NOL10: variants seen among roughly 807,000 people sequenced by gnomAD.
The protein encoded by NOL10 is H_NH0074G24.1.
In NOL10, 58 loss-of-function variants were observed where a neutral mutation model predicts 103.5. That is an observed-to-expected ratio of 0.56 (90% confidence interval 0.45 to 0.70). The LOEUF is 0.70. Ranked by LOEUF, NOL10 falls within the 30% of genes least tolerant of loss-of-function variation. NOL10 has a pLI of 0.00. For missense variants in NOL10, 763 were observed against 807.3 expected (o/e 0.95, Z 0.67); for synonymous variants, 287 against 282.5 (o/e 1.02, Z -0.16).
At chr2:10,655,186 C>T (rs772444530) in intron 11 of NOL10, among the ~76,000 whole-genome samples, 3 of 136,166 alleles carry the variant, frequency 2.2e-5, no homozygotes, top group Non-Finnish European at 3.0e-5. Flanking sequence ...CAGCCTGGGG[C>T]GACAGAGTGA....
At chr2:10,612,251 T>C (rs10203664) in intron 13 of NOL10, among the ~76,000 whole-genome samples, 90,054 of 152,110 alleles carry the variant, frequency 0.59, 27,667 homozygotes, top group African/African-American at 0.74. Flanking sequence ...GAAAAAAAGA[T>C]TGAAGATTAC....
Position 10,666,032 on chromosome 2 carries a change from C to T in NOL10, c.591+1186G>A, listed in dbSNP as rs148512185. 4.4e-4 allele frequency among the ~76,000 whole-genome samples: 67 copies of T among 152,144 alleles called. 2 individuals are homozygous for T. The East Asian group carries it at 0.012, about 28-fold the overall frequency. On this transcript the variant is annotated intron_variant, in intron 8 of 20. Coordinates refer to ENST00000381685, the MANE Select transcript of NOL10 (RefSeq NM_024894.4). ...AACAGTTAGTTTTCAACCCTTGCCT[C>T]CCTCCCTCCCTTCCCCATCCAGTAA... is the stretch of plus-strand genomic sequence containing the variant.
At chr2:10,613,628 T>C (rs1376796523) in intron 13 of NOL10, among the ~76,000 whole-genome samples, 6 of 152,332 alleles carry the variant, frequency 3.9e-5, no homozygotes, top group East Asian at 3.9e-4. Context: ...GTTAAAAGAA[T>C]TGTCATTTTT....
chr2:10,620,364 T>C (rs1388323002), intron 13 of NOL10, among the ~76,000 whole-genome samples: 1 of 152,224 alleles, frequency 6.6e-6, no homozygotes, highest in East Asian at 1.9e-4. Flanking sequence ...AAAAATTATA[T>C]GTACACTTTT....
intron 17 of NOL10, among the ~76,000 whole-genome samples, chr2:10,590,552 C>T (rs1675340323): frequency 1.1e-5 from 1 of 95,192 alleles, no homozygotes. Context: ...TTACCGATTC[C>T]AGCTGAGTTA....
At chr2:10,672,226 C>T (rs1680998056) in intron 5 of NOL10, among the ~76,000 whole-genome samples, 1 of 152,084 alleles carries the variant, frequency 6.6e-6, no homozygotes, top group African/African-American at 2.4e-5. Flanking sequence ...ACTCAGGAGG[C>T]TGAGGCAGGA....
chr2:10,630,570 G>A (rs1677769613), intron 13 of NOL10, among the ~76,000 whole-genome samples: 1 of 151,994 alleles, frequency 6.6e-6, no homozygotes, highest in Non-Finnish European at 1.5e-5. Flanking sequence ...AAATTAGTCG[G>A]GCATGGTGGT....
At position 10,665,054 on chromosome 2, in the gene NOL10, A is replaced by T. The variant is rs532234407; in HGVS notation, c.592-2010T>A. ...GATTGTTTAATATATTAACTACCTT[A>T]AAAGCAAACCCTTCAATATACTTAG... On this transcript the variant is annotated intron_variant, in intron 8 of 20. Transcript: ENST00000381685. Among the ~76,000 whole-genome samples, 11 of 152,376 alleles carry T rather than the reference A, an allele frequency of 7.2e-5. No homozygotes were observed. The South Asian group carries it at 2.3e-3, about 32-fold the overall frequency.
rs1420364315 is a variant in NOL10 at position 10,583,169 on chromosome 2, T to G, written c.1845-5431A>C. Among the ~76,000 whole-genome samples the G allele has an allele frequency of 2.6e-5, 4 of 152,234 alleles. No homozygotes were observed. In the East Asian group the frequency reaches 7.7e-4, roughly 29 times the overall value. ...ACAACTCCAGTATCTTTACTGTCCATCTTCTCCTCTGTCTGCTTTCTAACA... is the reference window on the plus strand; with the variant it reads ...ACAACTCCAGTATCTTTACTGTCCAGCTTCTCCTCTGTCTGCTTTCTAACA... On this transcript the variant is annotated intron_variant, in intron 19 of 20. Coordinates refer to ENST00000381685, the MANE Select transcript of NOL10 (RefSeq NM_024894.4).
intron 9 of NOL10, among the ~76,000 whole-genome samples, chr2:10,661,187 T>C (rs1285775953): frequency 6.6e-6 from 1 of 152,224 alleles, no homozygotes. Context: ...GTGATTCTCC[T>C]GCCTCAGCCT....
intron 13 of NOL10, among the ~76,000 whole-genome samples, chr2:10,629,756 T>A (rs1452650266): frequency 6.6e-6 from 1 of 152,234 alleles, no homozygotes; most frequent in Non-Finnish European, 1.5e-5. Context: ...CCAAATCATG[T>A]CTTAACTCAT....
intron 13 of NOL10, among the ~76,000 whole-genome samples, chr2:10,627,184 T>C (rs1677525546): frequency 6.6e-6 from 1 of 152,220 alleles, no homozygotes. Context: ...TGTGCCTTGC[T>C]TCCCAGTTCA....
intron 13 of NOL10, among the ~76,000 whole-genome samples, chr2:10,609,431 C>T (rs1028368967): frequency 9.0e-6 from 1 of 111,564 alleles, no homozygotes; most frequent in African/African-American, 3.7e-5. Context: ...ACTAAAAATA[C>T]AAAAAAAAAA....
In NOL10 at chr2:10,587,204, C is replaced by CATATATAT. The variant is rs1558270643; in HGVS notation, c.1844+1838_1844+1839insATATATAT. Among the ~76,000 whole-genome samples the CATATATAT allele has an allele frequency of 4.7e-4, 16 of 34,406 alleles. 3 individuals carry two copies. The highest frequency in any genetic ancestry group is 3.5e-3 in the East Asian group (5 of 1,414). 22.6% of individuals were successfully genotyped at this position (34,406 alleles called of 152,430 possible). On this transcript the variant is annotated intron_variant, in intron 19 of 20. Transcript: ENST00000381685. ...ACACATATATATACACATATATATACACATATATATATACATATATATACA... is the reference window on the plus strand; with the variant it reads ...ACACATATATATACACATATATATACATATATATACATATATATATACATATATATACA...
chr2:10,595,488 G>A (rs113441812), intron 17 of NOL10, among the ~76,000 whole-genome samples: 30,838 of 152,032 alleles, frequency 0.2, 4,116 homozygotes, highest in Non-Finnish European at 0.3. Context: ...GTAGAGATGC[G>A]GTTTCACCAT....
chr2:10,577,646 G>T lies in NOL10; in HGVS notation c.1937C>A (p.Thr646Lys). The change falls in exon 20 of 21, where the codon ACG becomes AAG. Residue 646 changes from threonine to lysine, a missense_variant. By Grantham distance (78) the Thr-to-Lys change is moderately conservative. Transcript: ENST00000381685. ...TTVGSKQLTF[T>K]LKRSEQQKKQ... ...TAAAAGACAACTCACCCTCTTTAACGTGAATGTCAATTGTTTGCTGCCAAC... is the reference window on the plus strand; with the variant it reads ...TAAAAGACAACTCACCCTCTTTAACTTGAATGTCAATTGTTTGCTGCCAAC... The T allele has an allele frequency of 6.2e-7, 1 of 1,608,296 alleles. No individual in the cohort carries two copies. The highest frequency in any genetic ancestry group is 1.1e-5 in the South Asian group (1 of 89,902).
chr2:10,684,966 C>T (rs1246220954), intron 1 of NOL10, among the ~76,000 whole-genome samples: 1 of 152,184 alleles, frequency 6.6e-6, no homozygotes, highest in South Asian at 2.1e-4. Flanking sequence ...TTCCAAAATG[C>T]TAGGTCTACT....
intron 1 of NOL10, among the ~76,000 whole-genome samples, chr2:10,688,105 C>T (rs1682341719): frequency 6.6e-6 from 1 of 152,086 alleles, no homozygotes; most frequent in Non-Finnish European, 1.5e-5. Context: ...ACCAACAGTC[C>T]AATCCATTAG....
At chr2:10,676,937 CTCT>C (rs1681347642) in intron 3 of NOL10, among the ~76,000 whole-genome samples, 3 of 134,900 alleles carry the variant, frequency 2.2e-5, no homozygotes, top group Admixed American at 7.3e-5. Flanking sequence ...CGAGGCCGGC[CTCT>C]TTTTTTTTTT....
Sources: gnomAD v4.1 joint callset for allele counts (sites outside exome capture counted in the v4.1 genomes callset) on GRCh38, gnomAD v4.1.1 for gene constraint, MANE v1.5 for transcripts, NCBI Gene and HGNC (gene_info 2026-07-23, HGNC 2026-07-21) for gene names.